Variants in ATG7 observed in about 807,000 individuals in gnomAD.
The protein encoded by ATG7 is ubiquitin-like modifier-activating enzyme ATG7.
Under a neutral mutation model 82.4 loss-of-function variants are expected in ATG7, and 70 were observed. The observed-to-expected ratio is 0.85, with a 90% CI of 0.70 to 1.04. The LOEUF is 1.04. Ranked by LOEUF, ATG7 falls within the 50% of genes least tolerant of loss-of-function variation. The probability of loss-of-function intolerance (pLI) is 0.00; values close to 1 mark genes in which losing one functional copy is unlikely to be tolerated. For missense variants in ATG7, 792 were observed against 864.3 expected (o/e 0.92, Z 1.05); for synonymous variants, 287 against 313.0 (o/e 0.92, Z 0.88).
intron 19 of ATG7, among the ~76,000 whole-genome samples, chr3:11,419,672 C>T (rs1450264087): frequency 1.3e-5 from 2 of 151,996 alleles, no homozygotes; most frequent in East Asian, 1.9e-4. Context: ...AGAGAGTTGC[C>T]GAAAATTAGA....
intron 5 of ATG7, chr3:11,304,712 T>C (rs1407451718): frequency 1.3e-5 from 2 of 152,232 alleles, no homozygotes; most frequent in Non-Finnish European, 2.9e-5. Context: ...AGCTGTAATG[T>C]CCCCAAAGCA....
At chr3:11,291,705 A>G (rs1253806118) in intron 3 of ATG7, among the ~76,000 whole-genome samples, 1 of 152,234 alleles carries the variant, frequency 6.6e-6, no homozygotes, top group Non-Finnish European at 1.5e-5. Flanking sequence ...AACAGCAAGC[A>G]CAGTTCATGG....
In ATG7 at chr3:11,358,583, C is replaced by A; in HGVS notation, c.1450C>A (p.Pro484Thr). ...LMDTRESRWL[P>T]AVIAASKRKL... ...GGACACCAGGGAGAGCCGGTGGCTT[C>A]CTGCCGTCATTGCTGCAAGCAAGAG... Residue 484 changes from proline (P) to threonine (T), a missense_variant, in exon 15 of 21, where the codon CCT becomes ACT. Physicochemically the swap from Pro to Thr is conservative, Grantham distance 38. Transcript: ENST00000693202. The A allele has an allele frequency of 6.2e-7, 1 of 1,613,660 alleles. No individual in the cohort carries two copies. The highest frequency in any genetic ancestry group is 8.5e-7 in the Non-Finnish European group (1 of 1,179,944).
chr3:11,358,563 C>G lies in ATG7; in HGVS notation c.1430C>G (p.Thr477Ser). 1 of 1,613,958 alleles carries G rather than the reference C, an allele frequency of 6.2e-7. No individual in the cohort carries two copies. Among genetic ancestry groups the G allele is most frequent in the African/African-American group, 1.3e-5 (1 of 75,024 alleles). Residue 477 changes from threonine (T) to serine (S), a missense_variant, in exon 15 of 21, where the codon ACC becomes AGC. Physicochemically the swap from Thr to Ser is moderately conservative, Grantham distance 58 (BLOSUM62 1). Transcript: ENST00000693202. ...GATGTCGTCTTCCTATTGATGGACACCAGGGAGAGCCGGTGGCTTCCTGCC... is the reference window on the plus strand; with the variant it reads ...GATGTCGTCTTCCTATTGATGGACAGCAGGGAGAGCCGGTGGCTTCCTGCC... ...SHDVVFLLMD[T>S]RESRWLPAVI...
rs535714394 is a variant in ATG7 at position 11,555,082 on chromosome 3, G to C, written c.*239G>C. ...GGCCTTGGCCTTGCTATTGACCTGG[G>C]ACTTGGTCCTCCATGCAGTTTTTAT... On this transcript the variant is annotated 3_prime_UTR_variant, in exon 21 of 21. Coordinates refer to ENST00000693202, the MANE Select transcript of ATG7 (RefSeq NM_001349232.2). 6 of 530,178 alleles carry C rather than the reference G, an allele frequency of 1.1e-5. No individual in the cohort carries two copies. The East Asian group carries it at 1.9e-4, about 17-fold the overall frequency. 32.8% of individuals were successfully genotyped at this position (530,178 alleles called of 1,614,324 possible).
intron 20 of ATG7, among the ~76,000 whole-genome samples, chr3:11,531,932 T>G (rs568103798): frequency 1.3e-5 from 2 of 152,016 alleles, no homozygotes; most frequent in African/African-American, 4.8e-5. Flanking sequence ...GCTTACTGTG[T>G]GCCAAGCACT....
chr3:11,364,976 G>C (rs2076504699), intron 18 of ATG7, among the ~76,000 whole-genome samples: 1 of 152,132 alleles, frequency 6.6e-6, no homozygotes, highest in African/African-American at 2.4e-5. Context: ...AAACTGACTA[G>C]AGGCCTCATA....
chr3:11,345,767 TATTA>T (rs1238181411), intron 13 of ATG7, among the ~76,000 whole-genome samples: 3 of 152,154 alleles, frequency 2.0e-5, no homozygotes, highest in East Asian at 1.9e-4. Context: ...CTTTTATCTT[TATTA>T]ATTTTTTCCT....
chr3:11,424,347 A>G (rs1315360746), intron 19 of ATG7, among the ~76,000 whole-genome samples: 3 of 152,084 alleles, frequency 2.0e-5, no homozygotes, highest in African/African-American at 4.8e-5. Context: ...TAAATATTCA[A>G]TGTTAAATAA....
chr3:11,503,377 C>T (rs2091478622), intron 20 of ATG7, among the ~76,000 whole-genome samples: 1 of 152,092 alleles, frequency 6.6e-6, no homozygotes, highest in Non-Finnish European at 1.5e-5. Flanking sequence ...TTTATGTTCT[C>T]AGTAAGAACA....
the ATG7 span, chr3:11,569,013 C>CT: frequency 2.1e-6 from 2 of 951,288 alleles, no homozygotes; most frequent in East Asian, 1.8e-4. Context: ...ACAGAGCTTT[C>CT]TGAGTACTGA....
intron 20 of ATG7, among the ~76,000 whole-genome samples, chr3:11,440,757 C>T (rs1373640823): frequency 1.6e-5 from 2 of 127,262 alleles, no homozygotes; most frequent in South Asian, 2.7e-4. Context: ...AATCTTGGCT[C>T]ACTGCAACCT....
intron 19 of ATG7, among the ~76,000 whole-genome samples, chr3:11,383,266 A>G (rs2078055722): frequency 6.6e-6 from 1 of 151,846 alleles, no homozygotes; most frequent in Non-Finnish European, 1.5e-5. Flanking sequence ...ATCTTTCTTT[A>G]TCTTTCTTAA....
At position 11,319,325 on chromosome 3, in the gene ATG7, C is replaced by A. The variant is rs570089439; in HGVS notation, c.678+3832C>A. 5.9e-5 allele frequency among the ~76,000 whole-genome samples: 9 copies of A among 152,274 alleles called. No homozygotes were observed. The South Asian group carries it at 6.2e-4, about 11-fold the overall frequency. ...CCCTCTTTTTTCAAAAATAGGCATT[C>A]TTTTCAGTATGAAATCCTGCACTTG... On this transcript the variant is annotated intron_variant, in intron 9 of 20. Coordinates refer to ENST00000693202, the MANE Select transcript of ATG7 (RefSeq NM_001349232.2).
intron 18 of ATG7, among the ~76,000 whole-genome samples, chr3:11,365,648 G>A (rs1226951429): frequency 1.3e-5 from 2 of 152,142 alleles, no homozygotes; most frequent in African/African-American, 4.8e-5. Flanking sequence ...AGAGCAGAGT[G>A]ACTCAGCTCA....
chr3:11,457,946 A>T lies in ATG7; in HGVS notation c.2079+31020A>T, dbSNP rs556429367. Among the ~76,000 whole-genome samples the T allele has an allele frequency of 2.0e-5, 3 of 152,254 alleles. No homozygotes were observed. In the East Asian group the frequency reaches 5.8e-4, roughly 29 times the overall value. On this transcript the variant is annotated intron_variant, in intron 20 of 20. Coordinates refer to ENST00000693202, the MANE Select transcript of ATG7 (RefSeq NM_001349232.2). ...TATGGAGGAAGTAACCGGTAAGTAT[A>T]TATTGGTTGAATGAATGATTTGATT...
chr3:11,528,697 G>A (rs939708688), intron 20 of ATG7, among the ~76,000 whole-genome samples: 17 of 151,756 alleles, frequency 1.1e-4, no homozygotes, highest in South Asian at 2.1e-4. Flanking sequence ...ATGGTGGTGC[G>A]CACCTGTAGT....
At chr3:11,315,660 C>G (rs538452623) in intron 9 of ATG7, among the ~76,000 whole-genome samples, 167 bp downstream of exon 9, 2 of 152,164 alleles carry the variant, frequency 1.3e-5, no homozygotes, top group Admixed American at 6.5e-5. Context: ...CTACAGTTAT[C>G]GAATCAGCTC....
In ATG7 at chr3:11,358,611, A is replaced by G. The variant is rs146006185; in HGVS notation, c.1478A>G (p.Lys493Arg). Reference sequence around the variant, plus strand: ...GCCGTCATTGCTGCAAGCAAGAGAAAGGTAGGCCCTGTCTCTAATTATGAT... The same window carrying G: ...GCCGTCATTGCTGCAAGCAAGAGAAGGGTAGGCCCTGTCTCTAATTATGAT... Reference protein sequence around the residue: ...LPAVIAASKRKLVINAALGFD... With the variant: ...LPAVIAASKRRLVINAALGFD... Residue 493 changes from lysine (K) to arginine (R), a missense_variant and splice_region_variant, in exon 15 of 21, where the codon AAG becomes AGG. Physicochemically the swap from Lys to Arg is conservative, Grantham distance 26 (BLOSUM62 2). Coordinates refer to ENST00000693202, the MANE Select transcript of ATG7 (RefSeq NM_001349232.2). 55 of 1,612,558 alleles carry G rather than the reference A, an allele frequency of 3.4e-5. No homozygotes were observed. The Middle Eastern group carries it at 5.3e-3, about 155-fold the overall frequency.
Sources: gnomAD v4.1 joint callset for allele counts (sites outside exome capture counted in the v4.1 genomes callset) on GRCh38, gnomAD v4.1.1 for gene constraint, MANE v1.5 for transcripts, NCBI Gene and HGNC (gene_info 2026-07-23, HGNC 2026-07-21) for gene names.